The following CNTNAP2 variants were observed in gnomAD, a reference collection of about 807,000 sequenced individuals.
CNTNAP2 encodes contactin associated protein 2.
In CNTNAP2, 98 loss-of-function variants were observed where a neutral mutation model predicts 155.2. That is an observed-to-expected ratio of 0.63 (90% CI 0.54 to 0.75). The LOEUF is 0.75. Among genes scored for constraint, CNTNAP2 ranks in the 30% least tolerant of loss-of-function variants. The pLI is 0.00. For synonymous variants in CNTNAP2, 651 were observed against 631.2 expected (o/e 1.03, Z -0.47); for missense variants, 1,727 against 1,688.1 (o/e 1.02, Z -0.40).
chr7:148,229,706 A>G lies in CNTNAP2; in HGVS notation c.3308A>G (p.Asp1103Gly). The G allele has an allele frequency of 6.2e-7, 1 of 1,614,176 alleles. No homozygotes were observed. Among genetic ancestry groups the G allele is most frequent in the Non-Finnish European group, 8.5e-7 (1 of 1,180,024 alleles). The change falls in exon 20 of 24, where the codon GAC (aspartate) becomes GGC (glycine). Residue 1103 changes from aspartate (D) to glycine (G), a missense_variant. Coordinates refer to ENST00000361727, the MANE Select transcript of CNTNAP2 (RefSeq NM_014141.6). The stretch of plus-strand genomic sequence containing the variant: ...CGAGAGCCATACAATATTGACGTAG[A>G]CCACAGGAACATGGCCAATGGACAG... ...GTREPYNIDV[D>G]HRNMANGQPH...
At chr7:146,250,405 A>G (rs1799737881) in intron 1 of CNTNAP2, among the ~76,000 whole-genome samples, 1 of 152,218 alleles carries the variant, frequency 6.6e-6, no homozygotes, top group African/African-American at 2.4e-5. Context: ...TAGCCAGGAC[A>G]GTACTTACTA....
chr7:148,062,024 A>T (rs1563185685), intron 15 of CNTNAP2, among the ~76,000 whole-genome samples: 8 of 136,752 alleles, frequency 5.9e-5, no homozygotes, highest in African/African-American at 2.0e-4. Context: ...AGAGAGAGAG[A>T]GAGAGTGTGT....
At chr7:146,221,932 T>G (rs1440765429) in intron 1 of CNTNAP2, among the ~76,000 whole-genome samples, 1 of 152,208 alleles carries the variant, frequency 6.6e-6, no homozygotes, top group African/African-American at 2.4e-5. Flanking sequence ...CTATCATTTA[T>G]GTATCCTCAG....
At chr7:146,642,292 A>T (rs886572588) in intron 1 of CNTNAP2, among the ~76,000 whole-genome samples, 3 of 144,128 alleles carry the variant, frequency 2.1e-5, no homozygotes, top group African/African-American at 7.7e-5. Context: ...ATATCTCCTA[A>T]AGCTATCCCT....
At chr7:147,076,640 G>C (rs1408349179) in intron 4 of CNTNAP2, among the ~76,000 whole-genome samples, 1 of 152,136 alleles carries the variant, frequency 6.6e-6, no homozygotes, top group African/African-American at 2.4e-5. Context: ...GTGATGAAAA[G>C]TATATGAGTT....
intron 14 of CNTNAP2, among the ~76,000 whole-genome samples, chr7:147,932,960 G>C (rs1253559234): frequency 6.6e-6 from 1 of 152,124 alleles, no homozygotes; most frequent in Non-Finnish European, 1.5e-5. Context: ...TACATAAAAA[G>C]ATTGTTCAAC....
intron 1 of CNTNAP2, among the ~76,000 whole-genome samples, chr7:146,309,429 G>A (rs1800779928): frequency 6.6e-6 from 1 of 152,134 alleles, no homozygotes; most frequent in Non-Finnish European, 1.5e-5. Context: ...CAGTGGTCCT[G>A]ACAGCAGCAA....
At chr7:147,792,736 C>A (rs1372436146) in intron 13 of CNTNAP2, among the ~76,000 whole-genome samples, 1 of 152,032 alleles carries the variant, frequency 6.6e-6, no homozygotes, top group Non-Finnish European at 1.5e-5. Flanking sequence ...AATTGCTGGG[C>A]TATATTGTAA....
At chr7:147,923,112 A>G (rs990029417) in intron 14 of CNTNAP2, among the ~76,000 whole-genome samples, 4 of 150,604 alleles carry the variant, frequency 2.7e-5, no homozygotes, top group African/African-American at 4.9e-5. Flanking sequence ...GAGGGGAGGG[A>G]AGGGGAGGGG....
At chr7:146,495,143 C>G (rs1797195017) in intron 1 of CNTNAP2, among the ~76,000 whole-genome samples, 1 of 152,140 alleles carries the variant, frequency 6.6e-6, no homozygotes, top group African/African-American at 2.4e-5. Context: ...GCCTGTGATG[C>G]CGGCTAGGCA....
chr7:147,925,441 C>A (rs1210206579), intron 14 of CNTNAP2, among the ~76,000 whole-genome samples: 1 of 152,034 alleles, frequency 6.6e-6, no homozygotes, highest in Non-Finnish European at 1.5e-5. Context: ...TTTACACTTG[C>A]TGTTGTACAT....
At chr7:147,225,184 C>T (rs1483289076) in intron 8 of CNTNAP2, among the ~76,000 whole-genome samples, 1 of 152,132 alleles carries the variant, frequency 6.6e-6, no homozygotes, top group Non-Finnish European at 1.5e-5. Context: ...AATTACAGCA[C>T]CATATTGCTC....
intron 8 of CNTNAP2, among the ~76,000 whole-genome samples, chr7:147,199,976 G>A (rs1224700676): frequency 6.6e-6 from 1 of 151,920 alleles, no homozygotes; most frequent in Non-Finnish European, 1.5e-5. Context: ...GCTTATGAGG[G>A]GCAAGTTCTT....
intron 1 of CNTNAP2, among the ~76,000 whole-genome samples, chr7:146,707,276 C>T (rs28451038): frequency 0.086 from 13,009 of 152,108 alleles, 1,783 homozygotes; most frequent in African/African-American, 0.29. Flanking sequence ...CTTCTATTCA[C>T]GGCCACCTCT....
chr7:146,371,728 G>A (rs560869572), intron 1 of CNTNAP2, among the ~76,000 whole-genome samples: 66 of 151,974 alleles, frequency 4.3e-4, no homozygotes, highest in African/African-American at 1.6e-3. Context: ...GAGGTGGGCG[G>A]ATTACCCTCT....
intron 9 of CNTNAP2, among the ~76,000 whole-genome samples, chr7:147,357,241 C>A (rs1420471522): frequency 1.3e-5 from 2 of 152,022 alleles, no homozygotes; most frequent in African/African-American, 4.8e-5. Context: ...TTCTAATAAC[C>A]AGATAACTTT....
At chr7:147,772,298 T>A (rs1374607560) in intron 13 of CNTNAP2, among the ~76,000 whole-genome samples, 1 of 150,196 alleles carries the variant, frequency 6.7e-6, no homozygotes, top group Non-Finnish European at 1.5e-5. Context: ...GCGCCTGTAA[T>A]CCCAGCTACT....
chr7:147,925,135 AAG>A (rs369044394), intron 14 of CNTNAP2, among the ~76,000 whole-genome samples: 2,494 of 77,830 alleles, frequency 0.032, 138 homozygotes, highest in African/African-American at 0.078. Context: ...AGAAAGAGAG[AAG>A]AGAGAGAGAG....
chr7:147,234,125 A>G (rs1222756709), intron 8 of CNTNAP2, among the ~76,000 whole-genome samples: 2 of 151,910 alleles, frequency 1.3e-5, no homozygotes, highest in Non-Finnish European at 2.9e-5. Flanking sequence ...AATACTGAAG[A>G]ATAAACTTTT....
Sources: allele counts gnomAD v4.1 joint callset (sites outside exome capture counted in the v4.1 genomes callset), GRCh38; gene constraint gnomAD v4.1.1; transcripts MANE v1.5; gene names NCBI Gene and HGNC (gene_info 2026-07-23, HGNC 2026-07-21).